ENTREP1: variants seen among roughly 807,000 people sequenced by gnomAD.
ENTREP1 encodes the protein Friedreich ataxia region gene X123.
the ENTREP1 span, among the ~76,000 whole-genome samples, chr9:69,326,085 C>G: frequency 3.3e-5 from 5 of 152,132 alleles, no homozygotes; most frequent in Admixed American, 6.5e-5. Flanking sequence ...GCACTGACAA[C>G]GTCTGTGCTG....
the ENTREP1 span, among the ~76,000 whole-genome samples, chr9:69,373,240 T>C: frequency 6.6e-6 from 1 of 152,196 alleles, no homozygotes; most frequent in Non-Finnish European, 1.5e-5. Flanking sequence ...CATCTCTTTA[T>C]GCACAAAAAC....
the ENTREP1 span, among the ~76,000 whole-genome samples, chr9:69,364,743 T>C: frequency 3.3e-5 from 5 of 152,184 alleles, no homozygotes; most frequent in African/African-American, 4.8e-5. Flanking sequence ...CAGGTGACCA[T>C]TTGGCTAAGT....
the ENTREP1 span, among the ~76,000 whole-genome samples, chr9:69,342,154 A>C: frequency 1.3e-5 from 2 of 150,948 alleles, no homozygotes; most frequent in South Asian, 4.2e-4. Context: ...TACTCTTCAG[A>C]ATTGTTAGTA....
chr9:69,367,816 T>C, the ENTREP1 span, among the ~76,000 whole-genome samples: 11 of 33,864 alleles, frequency 3.2e-4, 1 homozygote, highest in South Asian at 3.0e-3. Flanking sequence ...TATACACACA[T>C]ATATATAAAT....
chr9:69,344,979 G>A, the ENTREP1 span, among the ~76,000 whole-genome samples: 1 of 152,104 alleles, frequency 6.6e-6, no homozygotes, highest in Non-Finnish European at 1.5e-5. Flanking sequence ...AACTCTGAAT[G>A]CTTAAGACCA....
the ENTREP1 span, among the ~76,000 whole-genome samples, chr9:69,359,119 T>A: frequency 6.6e-6 from 1 of 152,116 alleles, no homozygotes; most frequent in African/African-American, 2.4e-5. Flanking sequence ...TTGGCCAGGC[T>A]GGTCTCGATC....
chr9:69,351,114 A>G, the ENTREP1 span, among the ~76,000 whole-genome samples: 97 of 152,204 alleles, frequency 6.4e-4, no homozygotes, highest in African/African-American at 2.1e-3. Context: ...TGAAGTTCCA[A>G]TTGAACAGAA....
At chr9:69,351,869 A>G in the ENTREP1 span, among the ~76,000 whole-genome samples, 5 of 151,816 alleles carry the variant, frequency 3.3e-5, no homozygotes, top group East Asian at 5.8e-4. Flanking sequence ...TATTTTCTTA[A>G]TTTTTACTCT....
chr9:69,350,312 G>A, the ENTREP1 span, among the ~76,000 whole-genome samples: 4 of 137,512 alleles, frequency 2.9e-5, no homozygotes, highest in South Asian at 7.8e-4. Flanking sequence ...AGTTGCCCCA[G>A]CACCATTTGT....
At chr9:69,346,972 T>C in the ENTREP1 span, among the ~76,000 whole-genome samples, 2 of 152,210 alleles carry the variant, frequency 1.3e-5, no homozygotes, top group East Asian at 3.8e-4. Context: ...GAGAATATGA[T>C]AGATTCTTTG....
At chr9:69,363,820 T>C in the ENTREP1 span, among the ~76,000 whole-genome samples, 1 of 152,114 alleles carries the variant, frequency 6.6e-6, no homozygotes, top group Non-Finnish European at 1.5e-5. Context: ...TACAACAGCC[T>C]TGCCCATGGG....
the ENTREP1 span, among the ~76,000 whole-genome samples, chr9:69,340,676 TGC>T: frequency 2.2e-5 from 3 of 136,698 alleles, no homozygotes; most frequent in Non-Finnish European, 3.2e-5. Flanking sequence ...CGTGTGTGTG[TGC>T]ATGCATGTGT....
At chr9:69,329,171 A>G in the ENTREP1 span, among the ~76,000 whole-genome samples, 123 of 152,362 alleles carry the variant, frequency 8.1e-4, no homozygotes, top group African/African-American at 3.0e-3. Flanking sequence ...TCAAACCCAC[A>G]TAGGAACACA....
chr9:69,382,664 G>C, the ENTREP1 span: 8 of 152,294 alleles, frequency 5.3e-5, no homozygotes, highest in East Asian at 7.7e-4. Context: ...GAAAGAAGAT[G>C]ATATCCTTTT....
At chr9:69,387,670 C>A in the ENTREP1 span, 1 of 318,090 alleles carries the variant, frequency 3.1e-6, no homozygotes, top group Non-Finnish European at 6.1e-6. Context: ...TCCTTGAGGA[C>A]GTTTGGGACA....
the ENTREP1 span, among the ~76,000 whole-genome samples, chr9:69,344,014 A>G: frequency 6.6e-6 from 1 of 152,220 alleles, no homozygotes; most frequent in Non-Finnish European, 1.5e-5. Flanking sequence ...ACCGCAATTA[A>G]TTTTGCACCA....
the ENTREP1 span, among the ~76,000 whole-genome samples, chr9:69,334,641 C>T: frequency 6.6e-6 from 1 of 152,168 alleles, no homozygotes; most frequent in Non-Finnish European, 1.5e-5. Flanking sequence ...GCTCAAATGG[C>T]ATCAGCACAT....
At chr9:69,369,022 T>G in the ENTREP1 span, among the ~76,000 whole-genome samples, 596 of 152,214 alleles carry the variant, frequency 3.9e-3, 3 homozygotes, top group African/African-American at 0.013. Context: ...GAAGTTTTCC[T>G]CCCTGTGTCC....
chr9:69,385,796 T>C, the ENTREP1 span: 3 of 1,284,030 alleles, frequency 2.3e-6, no homozygotes, highest in Non-Finnish European at 3.1e-6. Flanking sequence ...TTAAATCAGA[T>C]GGGGACATTC....
Sources: allele counts gnomAD v4.1 joint callset (sites outside exome capture counted in the v4.1 genomes callset), GRCh38; gene constraint gnomAD v4.1.1; transcripts MANE v1.5; gene names NCBI Gene and HGNC (gene_info 2026-07-23, HGNC 2026-07-21).